Variants in LTF observed in about 807,000 individuals in gnomAD.
LTF encodes lactotransferrin, also known as epididymis luminal protein 110.
LTF carries 91 observed loss-of-function variants against 87.2 expected under a neutral mutation model. That is an observed-to-expected ratio of 1.04 (90% CI 0.88 to 1.24). The LOEUF (loss-of-function observed/expected upper bound fraction) is 1.24, where lower values mean the gene tolerates loss of function less well. LTF is among the 50% of genes most tolerant of loss of function. The pLI is 0.00. For synonymous variants in LTF, 378 were observed against 356.1 expected (o/e 1.06, Z -0.69); for missense variants, 901 against 904.3 (o/e 1.00, Z 0.05).
At position 46,437,981 on chromosome 3, in the gene LTF, T is replaced by C; in HGVS notation, c.2057A>G (p.Tyr686Cys). The change falls in exon 16 of 17, where the codon TAT becomes TGT. Residue 686 changes from tyrosine (Y) to cysteine (C), a missense_variant. Tyr to Cys is a radical substitution (Grantham distance 194, BLOSUM62 -2). Transcript: ENST00000231751. Reference sequence around the variant, plus strand: ...TTTCAGATTAGTAATGCCTGCGACATACTGTGGTCCCAAATATTTTTCATA... The same window carrying C: ...TTTCAGATTAGTAATGCCTGCGACACACTGTGGTCCCAAATATTTTTCATA... Reference protein sequence around the residue: ...TTYEKYLGPQYVAGITNLKKC... With the variant: ...TTYEKYLGPQCVAGITNLKKC... 11 of 1,614,122 alleles carry C rather than the reference T, an allele frequency of 6.8e-6. No individual in the cohort carries two copies. The highest frequency in any genetic ancestry group is 9.3e-6 in the Non-Finnish European group (11 of 1,180,018).
Position 46,459,748 on chromosome 3 carries a change from A to C in LTF, c.115T>G (p.Phe39Val), listed in dbSNP as rs1037928039. 3 of 1,582,810 alleles carry C rather than the reference A, an allele frequency of 1.9e-6. No individual in the cohort carries two copies. The highest frequency in any genetic ancestry group is 2.6e-6 in the Non-Finnish European group (3 of 1,168,432). Reference sequence around the variant, plus strand: ...TTTCTCATATTCCTTTGCCATTGGAAGCATTTTGTGGCCTCGGGTTGGGAT... The same window carrying C: ...TTTCTCATATTCCTTTGCCATTGGACGCATTTTGTGGCCTCGGGTTGGGAT... ...AVSQPEATKC[F>V]QWQRNMRKVR... Residue 39 changes from phenylalanine (F) to valine (V), a missense_variant, in exon 2 of 17, where the codon TTC becomes GTC. Transcript: ENST00000231751.
chr3:46,462,980 G>A (rs180920484), intron 1 of LTF, among the ~76,000 whole-genome samples: 3 of 152,228 alleles, frequency 2.0e-5, no homozygotes, highest in South Asian at 2.1e-4. Flanking sequence ...CTAAAGGACC[G>A]CTGAGCTCCC....
upstream of LTF, chr3:46,469,535 C>A (rs887238252): frequency 6.6e-6 from 1 of 152,288 alleles, no homozygotes; most frequent in Non-Finnish European, 1.5e-5. Flanking sequence ...ACCCGGGACC[C>A]CATCCAGTGA....
chr3:46,439,227 C>A (rs1358732326), intron 15 of LTF, 69 bp downstream of exon 15: 4 of 1,461,554 alleles, frequency 2.7e-6, no homozygotes, highest in Admixed American at 2.1e-5. Context: ...GTGCACCTAG[C>A]TCTGTGATCT....
At chr3:46,473,829 T>C (rs2106920902) in intron 1 of LTF, among the ~76,000 whole-genome samples, 2 of 152,342 alleles carry the variant, frequency 1.3e-5, no homozygotes, top group East Asian at 3.9e-4. Context: ...TAAGCTAACA[T>C]ATTTACAGAT....
At chr3:46,468,613 G>T (rs1017484979), upstream of LTF, among the ~76,000 whole-genome samples, 2 of 152,322 alleles carry the variant, frequency 1.3e-5, no homozygotes, top group Non-Finnish European at 2.9e-5. Flanking sequence ...CCCTCTATGA[G>T]CCTCTAGCTT....
chr3:46,469,884 T>G (rs1703261803), upstream of LTF, among the ~76,000 whole-genome samples: 1 of 152,182 alleles, frequency 6.6e-6, no homozygotes, highest in South Asian at 2.1e-4. Flanking sequence ...TGCCAAATGT[T>G]GCCCAATTTA....
intron 1 of LTF, chr3:46,460,690 A>T: frequency 2.3e-6 from 1 of 428,364 alleles, no homozygotes; most frequent in South Asian, 1.7e-5. Flanking sequence ...CAACTCTTCT[A>T]TTCAACAGTA....
rs368029232 is a variant in LTF at position 46,439,490 on chromosome 3, A to G, written c.1724-10T>C. On this transcript the variant is annotated splice_polypyrimidine_tract_variant and intron_variant, in intron 14 of 16. Coordinates refer to ENST00000231751, the MANE Select transcript of LTF (RefSeq NM_002343.6). The stretch of plus-strand genomic sequence containing the variant: ...GCCTCATTGTTATTTCCTGGGGAGA[A>G]AAAGAAGGTGGCATCATCCACGCCT... 5.6e-6 allele frequency: 9 copies of G among 1,594,764 alleles called. No homozygotes were observed. The highest frequency in any genetic ancestry group is 4.5e-5 in the East Asian group (2 of 44,610).
chr3:46,455,564 T>G, intron 4 of LTF, 122 bp from the exon 5 acceptor site: 1 of 1,291,284 alleles, frequency 7.7e-7, no homozygotes, highest in Non-Finnish European at 1.1e-6. Flanking sequence ...GGAGAGACTC[T>G]GTCATGGGGC....
chr3:46,450,759 AT>A (rs1459702005), intron 6 of LTF, 86 bp from the exon 7 acceptor site: 2 of 1,189,580 alleles, frequency 1.7e-6, no homozygotes, highest in African/African-American at 3.1e-5. Context: ...TCCCTATAGA[AT>A]TTTGAGCTTG....
intron 1 of LTF, among the ~76,000 whole-genome samples, chr3:46,476,298 C>G (rs1703358928): frequency 6.6e-6 from 1 of 152,178 alleles, no homozygotes; most frequent in Admixed American, 6.5e-5. Context: ...AATATGATAT[C>G]TATTTGCTGT....
Position 46,454,301 on chromosome 3 carries a change from T to C in LTF, c.703+4A>G. 6.2e-7 allele frequency: 1 copy of C among 1,614,070 alleles called. No individual in the cohort carries two copies. Among genetic ancestry groups the C allele is most frequent in the Admixed American group, 1.7e-5 (1 of 60,022 alleles). On this transcript the variant is annotated splice_donor_region_variant and intron_variant, in intron 6 of 16. Transcript: ENST00000231751. The stretch of plus-strand genomic sequence containing the variant: ...GTACCCACGGCTCATTACCCTGCTC[T>C]TACCAAACACTGTGCTCTCTCTGAT...
Position 46,441,367 on chromosome 3 carries a change from G to C in LTF, c.1723+49C>G, listed in dbSNP as rs536243098. On this transcript the variant is annotated intron_variant, in intron 14 of 16. Transcript: ENST00000231751. ...AAATCTGAACACTAAGATGTGTTGT[G>C]ATGCCAAAGACTCTGCTTTGAAGGA... is the stretch of plus-strand genomic sequence containing the variant. 8 of 1,459,252 alleles carry C rather than the reference G, an allele frequency of 5.5e-6. No homozygotes were observed. In the South Asian group the frequency reaches 9.7e-5, roughly 18 times the overall value. 90.4% of individuals were successfully genotyped at this position (1,459,252 alleles called of 1,614,324 possible). A position where few individuals can be genotyped will look rare whatever the true frequency, so the allele number is the denominator to read the frequency against.
intron 1 of LTF, chr3:46,463,754 C>T (rs761589935): frequency 2.1e-4 from 117 of 556,818 alleles, no homozygotes; most frequent in Non-Finnish European, 2.7e-4. Context: ...GTGCAACAGG[C>T]CACTCGCCAG....
chr3:46,456,882 T>A (rs902204625), intron 2 of LTF, among the ~76,000 whole-genome samples: 1 of 152,226 alleles, frequency 6.6e-6, no homozygotes, highest in African/African-American at 2.4e-5. Flanking sequence ...GGTCCCCAAC[T>A]TTTTTGCCAC....
intron 15 of LTF, among the ~76,000 whole-genome samples, chr3:46,438,681 A>G (rs1034384): frequency 0.17 from 25,162 of 152,230 alleles, 2,303 homozygotes; most frequent in South Asian, 0.31. Flanking sequence ...GTGTGTGCAC[A>G]TTAAGAGCTC....
At chr3:46,483,293 C>T (rs949947952) in intron 1 of LTF, among the ~76,000 whole-genome samples, 2 of 152,226 alleles carry the variant, frequency 1.3e-5, no homozygotes, top group Non-Finnish European at 2.9e-5. Context: ...CCTCTCCTCT[C>T]CTAGGTGTAC....
At chr3:46,459,527 G>T in intron 2 of LTF, 129 bp downstream of exon 2, 1 of 868,636 alleles carries the variant, frequency 1.2e-6, no homozygotes, top group Non-Finnish European at 1.6e-6. Context: ...CTGTGAGAGA[G>T]GACGGCTCCC....
Sources: gnomAD v4.1 joint callset for allele counts (sites outside exome capture counted in the v4.1 genomes callset) on GRCh38, gnomAD v4.1.1 for gene constraint, MANE v1.5 for transcripts, NCBI Gene and HGNC (gene_info 2026-07-23, HGNC 2026-07-21) for gene names.